Variants in ZMIZ1 observed in about 807,000 individuals in gnomAD.
ZMIZ1 encodes zinc finger MIZ domain-containing protein 1.
In ZMIZ1, 17 loss-of-function variants were observed where a neutral mutation model predicts 113.9. That is an observed-to-expected ratio of 0.15 (90% CI 0.10 to 0.22). The LOEUF (loss-of-function observed/expected upper bound fraction) is 0.22. ZMIZ1 is among the 10% of genes least tolerant of loss of function. ZMIZ1 has a pLI of 1.00. For missense variants in ZMIZ1, 1,059 were observed against 1,477.8 expected (o/e 0.72, Z 4.65); for synonymous variants, 607 against 603.1 (o/e 1.01, Z -0.09).
At chr10:79,288,787 C>T (rs542508908) in intron 8 of ZMIZ1, among the ~76,000 whole-genome samples, 3 of 152,244 alleles carry the variant, frequency 2.0e-5, no homozygotes, top group South Asian at 2.1e-4. Flanking sequence ...CCCCAGCAGT[C>T]GGTAGGAAGC....
chr10:79,115,562 G>C (rs1225740021), intron 1 of ZMIZ1, among the ~76,000 whole-genome samples: 1 of 152,210 alleles, frequency 6.6e-6, no homozygotes, highest in Non-Finnish European at 1.5e-5. Flanking sequence ...CACTGCCTTG[G>C]CCTGTCAGGG....
At position 79,296,776 on chromosome 10, in the gene ZMIZ1, G is replaced by C; in HGVS notation, c.1413+123G>C. 1 of 1,017,788 alleles carries C rather than the reference G, an allele frequency of 9.8e-7. No individual in the cohort carries two copies. The highest frequency in any genetic ancestry group is 2.1e-5 in the South Asian group (1 of 46,932). The allele number at this position is 1,017,788 out of a possible 1,614,324, so 63.0% of individuals were successfully genotyped here. A position where few individuals can be genotyped will look rare whatever the true frequency, so the allele number is the denominator to read the frequency against. ...GCCCCAAGGACAGCGAGGGGTGGGT[G>C]ATTTCTGAACGTCCCCATGTGTTCA... On this transcript the variant is annotated intron_variant, in intron 13 of 24. Transcript: ENST00000334512. The surrounding 1 kb of genome is among the most constrained non-coding windows in gnomAD (Gnocchi z 4.1).
intron 8 of ZMIZ1, chr10:79,285,457 G>A (rs1436414395): frequency 2.2e-6 from 1 of 456,054 alleles, no homozygotes; most frequent in Non-Finnish European, 4.4e-6. Flanking sequence ...TCATAGATGA[G>A]GTTGCTGAGG....
At chr10:79,164,210 G>T (rs565246832) in intron 4 of ZMIZ1, among the ~76,000 whole-genome samples, 2 of 152,216 alleles carry the variant, frequency 1.3e-5, no homozygotes, top group Non-Finnish European at 2.9e-5. Flanking sequence ...CAGCGGCAGC[G>T]TGGGGCTCCG....
chr10:79,290,930 T>G (rs759565837), intron 9 of ZMIZ1, 29 bp from the exon 10 acceptor site: 3 of 1,608,648 alleles, frequency 1.9e-6, no homozygotes, highest in Middle Eastern at 1.7e-4. Flanking sequence ...GGGTAGCACC[T>G]TAGGTGACAA....
chr10:79,125,192 C>T (rs1022947831), intron 2 of ZMIZ1, among the ~76,000 whole-genome samples: 7 of 152,228 alleles, frequency 4.6e-5, no homozygotes, highest in African/African-American at 1.2e-4. Context: ...AAGCGACCGA[C>T]GATGGAGCCA....
chr10:79,089,611 C>G (rs1368830934), intron 1 of ZMIZ1, among the ~76,000 whole-genome samples: 1 of 152,178 alleles, frequency 6.6e-6, no homozygotes, highest in Non-Finnish European at 1.5e-5. Flanking sequence ...ACTTGAGGTG[C>G]CTGCTGCATG....
intron 1 of ZMIZ1, among the ~76,000 whole-genome samples, chr10:79,116,350 C>T (rs780476393): frequency 3.3e-5 from 5 of 152,016 alleles, no homozygotes; most frequent in South Asian, 2.1e-4. Flanking sequence ...TGGAGAACTC[C>T]GAGAGCTGCA....
intron 7 of ZMIZ1, among the ~76,000 whole-genome samples, chr10:79,265,009 C>T (rs1240247834): frequency 6.6e-6 from 1 of 152,110 alleles, no homozygotes; most frequent in Non-Finnish European, 1.5e-5. Context: ...GCCCAGCCTC[C>T]ACTGGGTGAG....
In ZMIZ1 at chr10:79,069,728, G is replaced by A. The variant is rs545913510; in HGVS notation, c.-337+458G>A. Among the ~76,000 whole-genome samples the A allele has an allele frequency of 3.0e-3, 459 of 152,320 alleles. 3 individuals carry two copies. Among genetic ancestry groups the A allele is most frequent in the Admixed American group, 9.3e-3 (143 of 15,312 alleles). ...CTGTGTGTGTACAGGAACCGCTGGG[G>A]AAAGCGCTGGATTTCAGGATGGCAA... On this transcript the variant is annotated intron_variant, in intron 1 of 24. Transcript: ENST00000334512. The surrounding 1 kb of genome is among the most constrained non-coding windows in gnomAD (Gnocchi z 4.6).
chr10:79,208,262 C>A, intron 5 of ZMIZ1, 74 bp from the exon 6 acceptor site: 1 of 1,366,900 alleles, frequency 7.3e-7, no homozygotes, highest in Non-Finnish European at 1.0e-6. Flanking sequence ...GTTCTTCCCA[C>A]CCCAGACCCC....
At chr10:79,216,133 C>A in intron 6 of ZMIZ1, 36 bp from the exon 7 acceptor site, 1 of 1,433,600 alleles carries the variant, frequency 7.0e-7, no homozygotes, top group Non-Finnish European at 9.3e-7. Flanking sequence ...CTCTGGGCTC[C>A]GTGACTCACC....
rs1165552648 is a variant in ZMIZ1 at position 79,202,211 on chromosome 10, A to AAAAG, written c.60+534_60+537dup. ...TCAGAAAAAAAAAAAAAAAAAAAAA[A>AAAAG]AAAGAAAGAAAGAAAGAAGGAAGGA... On this transcript the variant is annotated intron_variant, in intron 5 of 24. Transcript: ENST00000334512. 3.5e-3 allele frequency among the ~76,000 whole-genome samples: 222 copies of AAAAG among 64,206 alleles called. 2 individuals are homozygous for AAAAG. Among genetic ancestry groups the AAAAG allele is most frequent in the Non-Finnish European group, 5.7e-3 (134 of 23,614 alleles). The allele number at this position is 64,206 out of a possible 152,430, so 42.1% of individuals were successfully genotyped here. A position where few individuals can be genotyped will look rare whatever the true frequency, so the allele number is the denominator to read the frequency against.
chr10:79,163,130 C>T (rs1049556277), intron 4 of ZMIZ1, among the ~76,000 whole-genome samples: 13 of 152,386 alleles, frequency 8.5e-5, no homozygotes, highest in South Asian at 2.1e-4. Context: ...TGTCCCAAGG[C>T]GTCGTGGTGC....
intron 5 of ZMIZ1, among the ~76,000 whole-genome samples, chr10:79,202,208 A>G (rs1191652919): frequency 1.8e-4 from 25 of 138,626 alleles, no homozygotes; most frequent in Non-Finnish European, 1.6e-4. Context: ...AAAAAAAAAA[A>G]AAAAAAGAAA....
intron 24 of ZMIZ1, among the ~76,000 whole-genome samples, chr10:79,311,874 T>C (rs1016151466): frequency 6.6e-6 from 1 of 152,080 alleles, no homozygotes; most frequent in Admixed American, 6.5e-5. Flanking sequence ...TACACAGAGC[T>C]GGTGCCAGAC....
chr10:79,075,374 GAT>G (rs1296929910), intron 1 of ZMIZ1, among the ~76,000 whole-genome samples: 1 of 152,196 alleles, frequency 6.6e-6, no homozygotes, highest in Non-Finnish European at 1.5e-5. Context: ...CTGACTTTGG[GAT>G]ATTTGTCCCT....
Position 79,312,847 on chromosome 10 carries a change from G to A in ZMIZ1, c.*98G>A, listed in dbSNP as rs138798050. On this transcript the variant is annotated 3_prime_UTR_variant, in exon 25 of 25. Coordinates refer to ENST00000334512, the MANE Select transcript of ZMIZ1 (RefSeq NM_020338.4). Reference sequence around the variant, plus strand: ...GGAGCCTGTGCCCTCAGACCGCCCCGCACCAGAGCCACGGGCTGTGGGGCG... The same window carrying A: ...GGAGCCTGTGCCCTCAGACCGCCCCACACCAGAGCCACGGGCTGTGGGGCG... 21,455 of 1,161,160 alleles carry A rather than the reference G, an allele frequency of 0.018. 307 individuals carry two copies. Among genetic ancestry groups the A allele is most frequent in the South Asian group, 0.046 (3,426 of 74,642 alleles). 71.9% of individuals were successfully genotyped at this position (1,161,160 alleles called of 1,614,324 possible). A position where few individuals can be genotyped will look rare whatever the true frequency, so the allele number is the denominator to read the frequency against.
rs770182460 is a variant in ZMIZ1, at chr10:79,304,145, T to G, written c.2256T>G (p.Pro752=). ...TCACATTCCGGCGCATCCAGCTGCC[T>G]GCTCGAGGACACGATTGCAAGCATG... ...CPITFRRIQL[P]ARGHDCKHVQ... Residue 752 remains proline, a synonymous_variant, in exon 19 of 25, where the codon CCT becomes CCG. Coordinates refer to ENST00000334512, the MANE Select transcript of ZMIZ1 (RefSeq NM_020338.4). The G allele has an allele frequency of 2.5e-6, 4 of 1,614,094 alleles. No individual in the cohort carries two copies. The East Asian group carries it at 6.7e-5, about 27-fold the overall frequency.
Sources: allele counts gnomAD v4.1 joint callset (sites outside exome capture counted in the v4.1 genomes callset), GRCh38; gene constraint gnomAD v4.1.1; non-coding constraint Gnocchi (gnomAD v3.1); transcripts MANE v1.5; gene names NCBI Gene and HGNC (gene_info 2026-07-23, HGNC 2026-07-21).